MYRIP: variants seen among roughly 807,000 people sequenced by gnomAD.
MYRIP encodes the protein rab effector MyRIP.
A neutral mutation model predicts 98.0 loss-of-function variants in MYRIP; 49 were observed. That is an observed-to-expected ratio of 0.50 (90% CI 0.40 to 0.63). MYRIP has a LOEUF of 0.63. MYRIP is among the 30% of genes least tolerant of loss of function. The pLI, the probability that MYRIP is intolerant of heterozygous loss-of-function variation, is 0.00. For synonymous variants in MYRIP, 404 were observed against 409.5 expected (o/e 0.99, Z 0.16); for missense variants, 1,004 against 1,058.2 (o/e 0.95, Z 0.71).
chr3:40,223,169 A>G (rs559871407), intron 11 of MYRIP, among the ~76,000 whole-genome samples: 95 of 152,396 alleles, frequency 6.2e-4, no homozygotes, highest in African/African-American at 2.2e-3. Context: ...AAATTAGGTT[A>G]GAGGTTTAAT....
At chr3:39,989,146 A>G (rs1332496629) in intron 2 of MYRIP, among the ~76,000 whole-genome samples, 1 of 151,894 alleles carries the variant, frequency 6.6e-6, no homozygotes, top group Non-Finnish European at 1.5e-5. Context: ...TCTCATCTTC[A>G]TGAGTTTGTC....
chr3:40,009,323 G>A (rs1355887069), intron 2 of MYRIP, among the ~76,000 whole-genome samples: 4 of 145,222 alleles, frequency 2.8e-5, no homozygotes, highest in Admixed American at 1.4e-4. Context: ...TGCAAGCTCC[G>A]CCTCCCGGGT....
At chr3:40,030,772 G>A (rs924191516) in intron 2 of MYRIP, among the ~76,000 whole-genome samples, 27 of 152,186 alleles carry the variant, frequency 1.8e-4, no homozygotes, top group African/African-American at 6.0e-4. Context: ...GTTCAGAATA[G>A]GCAAACTCAT....
chr3:40,153,118 A>AG (rs1950154280), intron 4 of MYRIP, among the ~76,000 whole-genome samples: 1 of 127,324 alleles, frequency 7.9e-6, no homozygotes, highest in Admixed American at 7.6e-5. Flanking sequence ...GACCCTGTCC[A>AG]AAAAAAAAGC....
chr3:39,832,941 T>G (rs1941495599), intron 1 of MYRIP, among the ~76,000 whole-genome samples: 1 of 152,172 alleles, frequency 6.6e-6, no homozygotes, highest in African/African-American at 2.4e-5. Flanking sequence ...CACAAAAATG[T>G]TTATCATAGT....
chr3:39,892,762 T>C (rs181058751), intron 1 of MYRIP, among the ~76,000 whole-genome samples: 13 of 152,332 alleles, frequency 8.5e-5, no homozygotes, highest in Non-Finnish European at 1.8e-4. Flanking sequence ...CACTCATGAA[T>C]GACTGCTCTT....
At chr3:40,087,259 T>G (rs1185228626) in intron 3 of MYRIP, among the ~76,000 whole-genome samples, 1 of 152,142 alleles carries the variant, frequency 6.6e-6, no homozygotes, top group East Asian at 1.9e-4. Flanking sequence ...CTCAGTCAGA[T>G]GAGTGTAACA....
At chr3:40,075,798 A>G (rs1165049002) in intron 3 of MYRIP, among the ~76,000 whole-genome samples, 1 of 152,138 alleles carries the variant, frequency 6.6e-6, no homozygotes, top group Non-Finnish European at 1.5e-5. Context: ...AAGCATAGAA[A>G]TACTTAAATG....
chr3:40,233,954 G>C lies in MYRIP; in HGVS notation c.2001G>C (p.Trp667Cys). ...EELIAGSTGP[W>C]ESPQVPPDRQ... ...TGATAGCAGGATCTACAGGGCCCTG[G>C]GAGTCCCCACAAGTCCCTCCTGACA... Residue 667 changes from tryptophan (W) to cysteine (C), a missense_variant, in exon 12 of 17, where the codon TGG (tryptophan) becomes TGC (cysteine). Trp to Cys is a radical substitution (Grantham distance 215). Around this residue, in one of 3 missense-constraint regions of MYRIP, gnomAD observed 880 missense variants for 907.7 expected, o/e 0.97. Coordinates refer to ENST00000302541, the MANE Select transcript of MYRIP (RefSeq NM_015460.4). The C allele has an allele frequency of 6.2e-7, 1 of 1,613,856 alleles. No homozygotes were observed. The highest frequency in any genetic ancestry group is 1.1e-5 in the South Asian group (1 of 90,984).
At chr3:40,193,973 T>C (rs1163853470) in intron 10 of MYRIP, among the ~76,000 whole-genome samples, 2 of 152,196 alleles carry the variant, frequency 1.3e-5, no homozygotes, top group African/African-American at 2.4e-5. Context: ...AATTATATAA[T>C]AGATTTCAGA....
At chr3:40,069,655 G>A (rs1271185026) in intron 3 of MYRIP, among the ~76,000 whole-genome samples, 3 of 152,056 alleles carry the variant, frequency 2.0e-5, no homozygotes, top group African/African-American at 7.3e-5. Flanking sequence ...GACTACTTTA[G>A]GTACCTCATA....
At chr3:39,938,967 C>T (rs1944719979) in intron 2 of MYRIP, among the ~76,000 whole-genome samples, 1 of 152,168 alleles carries the variant, frequency 6.6e-6, no homozygotes. Context: ...TTGTTATCCT[C>T]CCTTCCTCAT....
chr3:40,096,570 G>C (rs749659695), intron 3 of MYRIP, among the ~76,000 whole-genome samples: 6 of 152,204 alleles, frequency 3.9e-5, no homozygotes, highest in African/African-American at 1.4e-4. Flanking sequence ...TAATGGGTCT[G>C]TTTCAGCTCT....
intron 2 of MYRIP, among the ~76,000 whole-genome samples, chr3:40,040,062 T>A (rs1307315492): frequency 1.3e-5 from 2 of 152,200 alleles, no homozygotes; most frequent in African/African-American, 2.4e-5. Context: ...ACTCATATAA[T>A]GCAGGATAAC....
chr3:40,081,865 T>C (rs1454368618), intron 3 of MYRIP, among the ~76,000 whole-genome samples: 1 of 152,180 alleles, frequency 6.6e-6, no homozygotes, highest in Non-Finnish European at 1.5e-5. Context: ...ACCATTCTAC[T>C]CTCTGCTATT....
intron 3 of MYRIP, among the ~76,000 whole-genome samples, chr3:40,065,437 C>T (rs944391152): frequency 9.9e-5 from 15 of 151,016 alleles, no homozygotes; most frequent in African/African-American, 3.4e-4. Context: ...CAACCCACAA[C>T]ATGCTGTGGG....
At chr3:40,034,380 AAAAC>A (rs1383211853) in intron 2 of MYRIP, among the ~76,000 whole-genome samples, 2 of 152,196 alleles carry the variant, frequency 1.3e-5, no homozygotes, top group African/African-American at 2.4e-5. Flanking sequence ...TTACAAGAAA[AAAAC>A]AAACAACCCC....
chr3:40,231,304 C>T (rs1250758559), intron 11 of MYRIP, among the ~76,000 whole-genome samples: 3 of 152,194 alleles, frequency 2.0e-5, no homozygotes, highest in South Asian at 4.1e-4. Context: ...AGTAAGTCAA[C>T]GTGACAAGTG....
At chr3:40,158,499 A>G (rs1950297529) in intron 4 of MYRIP, among the ~76,000 whole-genome samples, 1 of 152,010 alleles carries the variant, frequency 6.6e-6, no homozygotes, top group African/African-American at 2.4e-5. Context: ...AGTTCTGTAG[A>G]TGTCTATTAG....
Sources: allele counts gnomAD v4.1 joint callset (sites outside exome capture counted in the v4.1 genomes callset), GRCh38; gene constraint gnomAD v4.1.1; regional missense constraint gnomAD v4.1.1; transcripts MANE v1.5; gene names NCBI Gene and HGNC (gene_info 2026-07-23, HGNC 2026-07-21).